FERMT3: variants seen among roughly 807,000 people sequenced by gnomAD.
The protein encoded by FERMT3 is FERM domain containing kindlin 3.
Under a neutral mutation model 80.8 loss-of-function variants are expected in FERMT3, and 33 were observed. The ratio of observed to expected loss-of-function variants is 0.41; its 90% CI spans 0.31 to 0.55. The LOEUF is 0.55. FERMT3 is among the 20% of genes least tolerant of loss of function. The probability of loss-of-function intolerance (pLI) is 0.31; values close to 1 mark genes in which losing one functional copy is unlikely to be tolerated. For synonymous variants in FERMT3, 375 were observed against 372.2 expected (o/e 1.01, Z -0.09); for missense variants, 754 against 908.7 (o/e 0.83, Z 2.19).
intron 12 of FERMT3, 87 bp from the exon 13 acceptor site, chr11:64,220,929 C>T (rs1946667847): frequency 1.3e-6 from 2 of 1,572,006 alleles, no homozygotes; most frequent in South Asian, 1.2e-5. Flanking sequence ...GGCTCACATG[C>T]TGTCACCCTG....
At chr11:64,209,224 G>A (rs929780022) in intron 2 of FERMT3, among the ~76,000 whole-genome samples, 5 of 152,204 alleles carry the variant, frequency 3.3e-5, no homozygotes, top group Non-Finnish European at 4.4e-5. Flanking sequence ...AGCTCCAAAA[G>A]CCGAGACCAG....
rs1946651250 is a variant in FERMT3 at position 64,220,336 on chromosome 11, G to A, written c.1311+10G>A. ...CCTGCGGTGCCAGGATGTGAGTGAG[G>A]GCTGGGCAGGGGCCAGGGCCGGGCA... On this transcript the variant is annotated intron_variant, in intron 11 of 14. Transcript: ENST00000345728. The A allele has an allele frequency of 6.2e-7, 1 of 1,612,720 alleles. No individual in the cohort carries two copies. Among genetic ancestry groups the A allele is most frequent in the Non-Finnish European group, 8.5e-7 (1 of 1,179,134 alleles).
chr11:64,222,990 G>C, intron 13 of FERMT3, 58 bp from the exon 14 acceptor site: 1 of 1,608,070 alleles, frequency 6.2e-7, no homozygotes, highest in Non-Finnish European at 8.5e-7. Flanking sequence ...ACATTGTCTG[G>C]GCGGGCTCTG....
chr11:64,221,580 G>T, intron 13 of FERMT3, among the ~76,000 whole-genome samples: 1 of 152,070 alleles, frequency 6.6e-6, no homozygotes, highest in East Asian at 1.9e-4. Context: ...GCAGTGAGCC[G>T]TGATCACACT....
At position 64,207,301 on chromosome 11, in the gene FERMT3, G is replaced by A. The variant is rs1001382865; in HGVS notation, c.-14-50G>A. Reference sequence around the variant, plus strand: ...TCACAGAGCTCTTCTGCCCAAACCCGGAGGCCTACCAGGGCCTGCCCACCT... The same window carrying A: ...TCACAGAGCTCTTCTGCCCAAACCCAGAGGCCTACCAGGGCCTGCCCACCT... On this transcript the variant is annotated intron_variant, in intron 1 of 14. Coordinates refer to ENST00000345728, the MANE Select transcript of FERMT3 (RefSeq NM_031471.6). The A allele has an allele frequency of 4.6e-5, 74 of 1,611,080 alleles. 1 individual carries two copies. The highest frequency in any genetic ancestry group is 3.3e-4 in the South Asian group (30 of 90,876).
chr11:64,220,694 A>G, intron 12 of FERMT3, 25 bp downstream of exon 12: 1 of 1,587,656 alleles, frequency 6.3e-7, no homozygotes, highest in Non-Finnish European at 8.6e-7. Context: ...CAGGGTGGGA[A>G]TGAGCATAGT....
Position 64,220,236 on chromosome 11 carries a change from C to T in FERMT3, c.1221C>T (p.Pro407=), listed in dbSNP as rs370181430. The change falls in exon 11 of 15, where the codon CCC becomes CCT. Residue 407 remains proline, a synonymous_variant. Transcript: ENST00000345728. ...QLNLKGCEVV[P]DVNVSGQKFC... is the part of the protein sequence containing the mutation. ...TCCCTCCAGGCTGTGAGGTGGTTCC[C>T]GATGTTAACGTCTCCGGCCAGAAGT... 1.7e-5 allele frequency: 27 copies of T among 1,613,794 alleles called. No homozygotes were observed. In the African/African-American group the frequency reaches 2.5e-4, roughly 15 times the overall value.
chr11:64,212,790 G>A (rs1222626282), intron 6 of FERMT3, among the ~76,000 whole-genome samples: 1 of 151,300 alleles, frequency 6.6e-6, no homozygotes, highest in African/African-American at 2.4e-5. Flanking sequence ...CCTTCTCTCA[G>A]TCATCTCCAG....
In FERMT3 at chr11:64,219,329, G is replaced by T; in HGVS notation, c.865G>T (p.Glu289Ter). The T allele has an allele frequency of 6.2e-7, 1 of 1,607,604 alleles. No homozygotes were observed. The highest frequency in any genetic ancestry group is 8.5e-7 in the Non-Finnish European group (1 of 1,177,256). ...LLLEEIDCTEEEMMVFAALQY... is the reference protein window; with the variant it reads ...LLLEEIDCTE Reference sequence around the variant, plus strand: ...GCTGGAGGAGATTGACTGCACCGAGGAGGAGATGATGGTGTTTGCCGCCCT... The same window carrying T: ...GCTGGAGGAGATTGACTGCACCGAGTAGGAGATGATGGTGTTTGCCGCCCT... Residue 289 changes from glutamate to a stop codon, truncating the protein, a stop_gained, in exon 7 of 15, where the codon GAG becomes TAG. Transcript: ENST00000345728. LOFTEE classifies it high-confidence loss of function. This position sits in a 1 kb window ranked among gnomAD's most constrained non-coding sequence, Gnocchi z 4.0.
At chr11:64,220,802 G>A in intron 12 of FERMT3, 133 bp downstream of exon 12, 1 of 1,267,176 alleles carries the variant, frequency 7.9e-7, no homozygotes. Context: ...CTGAGATTGT[G>A]CGGCTGGTAC....
chr11:64,207,784 A>G, intron 2 of FERMT3: 1 of 456,312 alleles, frequency 2.2e-6, no homozygotes, highest in Non-Finnish European at 4.0e-6. Flanking sequence ...AGCCACCAAT[A>G]GGGGCAGAAG....
chr11:64,223,852 ATTTCTTTTTTATAAATTAATAT>A lies in FERMT3; in HGVS notation c.*364_*385del, dbSNP rs1946787712. 1 of 1,479,990 alleles carries A rather than the reference ATTTCTTTTTTATAAATTAATAT, an allele frequency of 6.8e-7. No individual in the cohort carries two copies. Among genetic ancestry groups the A allele is most frequent in the African/African-American group, 1.4e-5 (1 of 69,684 alleles). The allele number at this position is 1,479,990 out of a possible 1,614,324, so 91.7% of individuals were successfully genotyped here. A position where few individuals can be genotyped will look rare whatever the true frequency, so the allele number is the denominator to read the frequency against. The stretch of plus-strand genomic sequence containing the variant: ...GAGTTCTTTCTTGTTACTTTTTAAA[ATTTCTTTTTTATAAATTAATAT>A]TTTATTGTTGGATCCTCCTCCTTTC... On this transcript the variant is annotated 3_prime_UTR_variant, in exon 15 of 15. Coordinates refer to ENST00000345728, the MANE Select transcript of FERMT3 (RefSeq NM_031471.6).
In FERMT3 at chr11:64,211,260, C is replaced by A; in HGVS notation, c.515-15C>A. 6.2e-7 allele frequency: 1 copy of A among 1,613,114 alleles called. No individual in the cohort carries two copies. Among genetic ancestry groups the A allele is most frequent in the Non-Finnish European group, 8.5e-7 (1 of 1,179,852 alleles). On this transcript the variant is annotated splice_polypyrimidine_tract_variant and intron_variant, in intron 4 of 14. Transcript: ENST00000345728. This position sits in a 1 kb window ranked among gnomAD's most constrained non-coding sequence, Gnocchi z 4.7. ...CTGGGGGACAGGCCTGGTTGACTCC[C>A]AACCTGCACTCCAGGCGTGGCACCT...
chr11:64,213,716 G>A (rs1017589345), intron 6 of FERMT3, among the ~76,000 whole-genome samples: 4 of 150,494 alleles, frequency 2.7e-5, no homozygotes, highest in Non-Finnish European at 5.9e-5. Flanking sequence ...GAGCCACCAT[G>A]CCCAGCTAAT....
Position 64,220,482 on chromosome 11 carries a change from A to G in FERMT3, c.1358A>G (p.Lys453Arg). The G allele has an allele frequency of 1.9e-6, 3 of 1,609,874 alleles. No individual in the cohort carries two copies. The highest frequency in any genetic ancestry group is 2.5e-6 in the Non-Finnish European group (3 of 1,178,638). The change falls in exon 12 of 15, where the codon AAA (lysine) becomes AGA (arginine). Residue 453 changes from lysine (K) to arginine (R), a missense_variant. Physicochemically the swap from Lys to Arg is conservative, Grantham distance 26. Transcript: ENST00000345728. The part of the protein sequence containing the change: ...RWMAGCRLAS[K>R]GRTMADSSYT... ...ATGGCTGGCTGCCGCCTGGCCTCCA[A>G]AGGCCGCACCATGGCCGACAGCAGC...
chr11:64,222,975 G>C lies in FERMT3; in HGVS notation c.1671-73G>C. The C allele has an allele frequency of 2.5e-6, 4 of 1,598,354 alleles. No individual in the cohort carries two copies. The South Asian group carries it at 4.4e-5, about 18-fold the overall frequency. On this transcript the variant is annotated intron_variant, in intron 13 of 14. Transcript: ENST00000345728. ...CGGGAAGGGCTGGCTCTCCAGCACG[G>C]CGCCACATTGTCTGGGCGGGCTCTG...
chr11:64,210,851 TGCCCG>T lies in FERMT3; in HGVS notation c.394+10_394+14del. ...GCCATCTGCCGCCTCCTCAGTAAGT[TGCCCG>T]GCTGATTCCCCTGGCCCACGAGGGT... On this transcript the variant is annotated splice_region_variant and intron_variant, in intron 3 of 14. Transcript: ENST00000345728. The surrounding 1 kb of genome is among the most constrained non-coding windows in gnomAD (Gnocchi z 4.3). 6.2e-7 allele frequency: 1 copy of T among 1,611,054 alleles called. No homozygotes were observed. The highest frequency in any genetic ancestry group is 8.5e-7 in the Non-Finnish European group (1 of 1,179,960).
intron 13 of FERMT3, among the ~76,000 whole-genome samples, chr11:64,222,790 C>A (rs1290996518): frequency 1.3e-5 from 2 of 152,042 alleles, no homozygotes; most frequent in Non-Finnish European, 2.9e-5. Context: ...GTAACAAAAA[C>A]CAAAAAAAGT....
intron 6 of FERMT3, among the ~76,000 whole-genome samples, chr11:64,218,310 T>C (rs1378231457): frequency 6.6e-6 from 1 of 151,620 alleles, no homozygotes; most frequent in Admixed American, 6.6e-5. Context: ...GGCCTTCTTT[T>C]TCTTTCTTTT....
Sources: allele counts gnomAD v4.1 joint callset (sites outside exome capture counted in the v4.1 genomes callset), GRCh38; gene constraint gnomAD v4.1.1; non-coding constraint Gnocchi (gnomAD v3.1); transcripts MANE v1.5; gene names NCBI Gene and HGNC (gene_info 2026-07-23, HGNC 2026-07-21).